Variants in IQCM observed in about 807,000 individuals in gnomAD.
IQCM encodes IQ domain-containing protein M.
A neutral mutation model predicts 57.6 loss-of-function variants in IQCM; 45 were observed. That is an observed-to-expected ratio of 0.78 (90% CI 0.62 to 1.00). IQCM has a LOEUF of 1.00. Among genes scored for constraint, IQCM ranks in the 50% least tolerant of loss-of-function variants. The probability of loss-of-function intolerance (pLI) is 0.00; values close to 1 mark genes in which losing one functional copy is unlikely to be tolerated. For synonymous variants in IQCM, 148 were observed against 158.9 expected (o/e 0.93, Z 0.51); for missense variants, 468 against 511.6 (o/e 0.91, Z 0.82).
At chr4:149,771,555 T>G (rs2149988826) in intron 2 of IQCM, among the ~76,000 whole-genome samples, 2 of 152,264 alleles carry the variant, frequency 1.3e-5, no homozygotes, top group Middle Eastern at 6.8e-3. Flanking sequence ...ATAAAGTTCT[T>G]TCTTCCACAT....
At chr4:149,779,113 T>A (rs1440492337) in intron 2 of IQCM, among the ~76,000 whole-genome samples, 1 of 152,176 alleles carries the variant, frequency 6.6e-6, no homozygotes. Flanking sequence ...GCAAATATTT[T>A]AAAAATTACA....
At chr4:149,549,539 A>G (rs1345763721) in intron 11 of IQCM, among the ~76,000 whole-genome samples, 1 of 152,098 alleles carries the variant, frequency 6.6e-6, no homozygotes. Flanking sequence ...AAATTGATGC[A>G]TACATTTTAT....
intron 12 of IQCM, among the ~76,000 whole-genome samples, chr4:149,439,784 G>A (rs1450068275): frequency 6.6e-6 from 1 of 152,016 alleles, no homozygotes; most frequent in Non-Finnish European, 1.5e-5. Flanking sequence ...ACATTTGTGA[G>A]AGTAATACAA....
chr4:149,653,473 G>A (rs1329881662), intron 7 of IQCM, among the ~76,000 whole-genome samples: 3 of 151,766 alleles, frequency 2.0e-5, no homozygotes, highest in Non-Finnish European at 4.4e-5. Context: ...ATGTGTGTGT[G>A]TGCACATTTT....
At chr4:149,769,660 G>A (rs1264448146) in intron 2 of IQCM, among the ~76,000 whole-genome samples, 6 of 151,446 alleles carry the variant, frequency 4.0e-5, no homozygotes, top group Admixed American at 2.6e-4. Flanking sequence ...AGTATATTTC[G>A]AGCAAAGAAT....
chr4:149,748,791 G>C (rs1768168560), intron 2 of IQCM: 1 of 152,138 alleles, frequency 6.6e-6, no homozygotes, highest in African/African-American at 2.4e-5. Context: ...ATGTTAGATA[G>C]ACCCATACTT....
chr4:149,434,741 T>G (rs1244912970), intron 12 of IQCM, among the ~76,000 whole-genome samples: 3 of 151,964 alleles, frequency 2.0e-5, no homozygotes, highest in Non-Finnish European at 4.4e-5. Context: ...ATAAAACAAA[T>G]TGGGCAATGG....
chr4:149,716,751 A>G (rs1445892725), intron 5 of IQCM, among the ~76,000 whole-genome samples: 1 of 152,186 alleles, frequency 6.6e-6, no homozygotes, highest in Non-Finnish European at 1.5e-5. Context: ...GTAAATGACA[A>G]CCCCATCCAC....
At chr4:149,394,954 G>A (rs1174509686) in intron 13 of IQCM, among the ~76,000 whole-genome samples, 2 of 151,960 alleles carry the variant, frequency 1.3e-5, no homozygotes, top group Non-Finnish European at 2.9e-5. Context: ...ACTCACTCCA[G>A]ACAAGCTTAT....
At chr4:149,535,433 CA>C (rs1374387814) in intron 12 of IQCM, among the ~76,000 whole-genome samples, 5 of 151,874 alleles carry the variant, frequency 3.3e-5, no homozygotes, top group Non-Finnish European at 7.4e-5. Flanking sequence ...TCATATAAAA[CA>C]AAGACTTGCT....
chr4:149,674,546 T>A (rs575270034), intron 7 of IQCM, among the ~76,000 whole-genome samples: 1 of 152,004 alleles, frequency 6.6e-6, no homozygotes, highest in South Asian at 2.1e-4. Context: ...TATGACAGAG[T>A]AGTCAGGGAT....
intron 13 of IQCM, among the ~76,000 whole-genome samples, chr4:149,381,571 T>C (rs1006568139): frequency 3.9e-5 from 6 of 152,132 alleles, no homozygotes; most frequent in Non-Finnish European, 8.8e-5. Flanking sequence ...TTGGGATTTC[T>C]CCTCAATTAT....
intron 12 of IQCM, among the ~76,000 whole-genome samples, chr4:149,496,992 GAT>G (rs1345843997): frequency 6.6e-6 from 1 of 152,154 alleles, no homozygotes; most frequent in African/African-American, 2.4e-5. Flanking sequence ...TATTTTAAGT[GAT>G]AGAGTGGCAT....
intron 5 of IQCM, 88 bp downstream of exon 5, chr4:149,733,156 G>A (rs1277062244): frequency 8.9e-7 from 1 of 1,126,240 alleles, no homozygotes. Context: ...GGAATTATTT[G>A]AAAAAGAAAA....
At chr4:149,476,783 A>G (rs2149741377) in intron 12 of IQCM, among the ~76,000 whole-genome samples, 1 of 152,224 alleles carries the variant, frequency 6.6e-6, no homozygotes, top group African/African-American at 2.4e-5. Flanking sequence ...GTATAGGAAA[A>G]TGCACACTTG....
At chr4:149,648,779 A>C (rs1403028328) in intron 7 of IQCM, among the ~76,000 whole-genome samples, 1 of 152,154 alleles carries the variant, frequency 6.6e-6, no homozygotes, top group Non-Finnish European at 1.5e-5. Flanking sequence ...GGATAGCATT[A>C]GCAGATATAC....
At chr4:149,566,842 T>G (rs1211867328) in intron 9 of IQCM, among the ~76,000 whole-genome samples, 2 of 152,170 alleles carry the variant, frequency 1.3e-5, no homozygotes. Context: ...GAAGTCTTGA[T>G]GGAAAACAAA....
intron 8 of IQCM, among the ~76,000 whole-genome samples, chr4:149,611,033 A>T (rs1755235976): frequency 1.3e-5 from 2 of 152,126 alleles, no homozygotes; most frequent in South Asian, 4.1e-4. Context: ...AAATAATCTG[A>T]TTTTAAAATA....
chr4:149,721,590 C>A (rs903464946), intron 5 of IQCM, among the ~76,000 whole-genome samples: 1 of 152,030 alleles, frequency 6.6e-6, no homozygotes, highest in Admixed American at 6.6e-5. Context: ...AGTGTCCTTC[C>A]ATTCCACCTA....
Sources: gnomAD v4.1 joint callset for allele counts (sites outside exome capture counted in the v4.1 genomes callset) on GRCh38, gnomAD v4.1.1 for gene constraint, MANE v1.5 for transcripts, NCBI Gene and HGNC (gene_info 2026-07-23, HGNC 2026-07-21) for gene names.